GNAQ: variants seen among roughly 807,000 people sequenced by gnomAD.
The protein encoded by GNAQ is guanine nucleotide-binding protein G(q) subunit alpha.
Under a neutral mutation model 43.9 loss-of-function variants are expected in GNAQ, and 8 were observed. The observed-to-expected ratio is 0.18, with a 90% CI of 0.11 to 0.33. The LOEUF (loss-of-function observed/expected upper bound fraction) is 0.33. Among genes scored for constraint, GNAQ ranks in the 10% least tolerant of loss-of-function variants. GNAQ has a pLI of 1.00. For missense variants in GNAQ, 158 were observed against 450.8 expected (o/e 0.35, Z 5.88); for synonymous variants, 155 against 170.7 (o/e 0.91, Z 0.71).
chr9:77,781,860 T>C (rs1425291692), intron 5 of GNAQ, among the ~76,000 whole-genome samples: 1 of 152,104 alleles, frequency 6.6e-6, no homozygotes, highest in Non-Finnish European at 1.5e-5. Flanking sequence ...AGAAGAGAAC[T>C]TCCTCAACTT....
At chr9:77,961,508 GAGAA>G (rs1201535359) in intron 1 of GNAQ, among the ~76,000 whole-genome samples, 3 of 152,180 alleles carry the variant, frequency 2.0e-5, no homozygotes, top group Non-Finnish European at 4.4e-5. Flanking sequence ...TGAGTGGGGT[GAGAA>G]AGAAACATGG....
chr9:77,823,921 T>C (rs550362457), intron 2 of GNAQ, among the ~76,000 whole-genome samples: 2 of 152,330 alleles, frequency 1.3e-5, no homozygotes, highest in South Asian at 2.1e-4. Flanking sequence ...TTTTATTACA[T>C]TGATATTATT....
intron 5 of GNAQ, among the ~76,000 whole-genome samples, chr9:77,737,274 C>G (rs1177838436): frequency 6.6e-6 from 1 of 152,196 alleles, no homozygotes; most frequent in East Asian, 1.9e-4. Flanking sequence ...CAACTGCCAC[C>G]ACTGCCTTTT....
chr9:77,942,728 T>G (rs1254662564), intron 1 of GNAQ, among the ~76,000 whole-genome samples: 2 of 152,212 alleles, frequency 1.3e-5, no homozygotes, highest in Non-Finnish European at 1.5e-5. Context: ...TTATCTCAAC[T>G]GCACCCCTTC....
chr9:77,775,943 A>G (rs904028748), intron 5 of GNAQ, among the ~76,000 whole-genome samples: 3 of 152,218 alleles, frequency 2.0e-5, no homozygotes, highest in African/African-American at 7.2e-5. Flanking sequence ...AAAAAATAAA[A>G]GAAAAGAAAA....
At chr9:77,808,820 A>G (rs2118492831) in intron 3 of GNAQ, among the ~76,000 whole-genome samples, 1 of 152,248 alleles carries the variant, frequency 6.6e-6, no homozygotes. Flanking sequence ...TTTTCACCAT[A>G]CAACGGTCTT....
At chr9:77,893,050 C>T (rs888188266) in intron 2 of GNAQ, among the ~76,000 whole-genome samples, 2 of 152,188 alleles carry the variant, frequency 1.3e-5, no homozygotes, top group Middle Eastern at 6.8e-3. Context: ...ATCTACTAGG[C>T]TTGGAAAGCT....
chr9:77,925,072 GCT>G (rs1387283242), intron 1 of GNAQ, among the ~76,000 whole-genome samples: 1 of 152,048 alleles, frequency 6.6e-6, no homozygotes, highest in African/African-American at 2.4e-5. Context: ...CCATACTGCT[GCT>G]CTCTCTGGGT....
intron 2 of GNAQ, among the ~76,000 whole-genome samples, chr9:77,825,430 C>A (rs1284196409): frequency 1.3e-5 from 2 of 152,154 alleles, no homozygotes; most frequent in African/African-American, 4.8e-5. Flanking sequence ...ACCTGGCAGC[C>A]TACACGCCAG....
intron 1 of GNAQ, among the ~76,000 whole-genome samples, chr9:77,929,447 A>T (rs1467965721): frequency 6.6e-6 from 1 of 152,236 alleles, no homozygotes; most frequent in Non-Finnish European, 1.5e-5. Context: ...TGTTATAGAA[A>T]ATTATTTTAA....
Position 77,721,313 on chromosome 9 carries a change from G to A in GNAQ, c.*10C>T. The A allele has an allele frequency of 1.9e-6, 3 of 1,585,412 alleles. No homozygotes were observed. Among genetic ancestry groups the A allele is most frequent in the Non-Finnish European group, 2.6e-6 (3 of 1,160,642 alleles). On this transcript the variant is annotated 3_prime_UTR_variant, in exon 7 of 7. Coordinates refer to ENST00000286548, the MANE Select transcript of GNAQ (RefSeq NM_002072.5). The stretch of plus-strand genomic sequence containing the variant: ...CAGGGAAGGGCAGGGCGGGTGTCTA[G>A]GAGGCACAATTAGACCAGATTGTAC...
At chr9:77,814,800 G>A (rs879734867) in intron 3 of GNAQ, among the ~76,000 whole-genome samples, 1 of 152,090 alleles carries the variant, frequency 6.6e-6, no homozygotes, top group Non-Finnish European at 1.5e-5. Flanking sequence ...TCCAAAACAA[G>A]AGGCAGATGC....
intron 2 of GNAQ, among the ~76,000 whole-genome samples, chr9:77,907,877 C>T (rs1828736924): frequency 6.6e-6 from 1 of 152,134 alleles, no homozygotes; most frequent in African/African-American, 2.4e-5. Flanking sequence ...CAGGTAACTG[C>T]ATTTACTCTT....
At chr9:77,963,403 C>T (rs1823129300) in intron 1 of GNAQ, among the ~76,000 whole-genome samples, 1 of 152,168 alleles carries the variant, frequency 6.6e-6, no homozygotes, top group Non-Finnish European at 1.5e-5. Context: ...ACTTTTCACT[C>T]AGTGGGTGCC....
At chr9:77,925,671 A>C (rs1829061359) in intron 1 of GNAQ, among the ~76,000 whole-genome samples, 1 of 152,244 alleles carries the variant, frequency 6.6e-6, no homozygotes, top group Non-Finnish European at 1.5e-5. Context: ...AAGTGAAGGC[A>C]AAGTTTCACG....
chr9:77,988,186 A>G (rs2118514169), intron 1 of GNAQ, among the ~76,000 whole-genome samples: 1 of 152,378 alleles, frequency 6.6e-6, no homozygotes, highest in Non-Finnish European at 1.5e-5. Flanking sequence ...GGAAACAGTA[A>G]GAGAAAGTAC....
At chr9:77,882,114 G>A (rs1828221641) in intron 2 of GNAQ, among the ~76,000 whole-genome samples, 1 of 152,090 alleles carries the variant, frequency 6.6e-6, no homozygotes, top group Non-Finnish European at 1.5e-5. Flanking sequence ...CTCCAGCCCG[G>A]GAGACAGAGC....
At chr9:77,984,536 A>G (rs1405915782) in intron 1 of GNAQ, among the ~76,000 whole-genome samples, 2 of 152,210 alleles carry the variant, frequency 1.3e-5, no homozygotes, top group Admixed American at 6.5e-5. Flanking sequence ...CTTGGAAAAG[A>G]TAAGATTCCC....
At chr9:77,763,916 T>C (rs1186991097) in intron 5 of GNAQ, among the ~76,000 whole-genome samples, 3 of 152,232 alleles carry the variant, frequency 2.0e-5, no homozygotes, top group Non-Finnish European at 4.4e-5. Flanking sequence ...CTTTCGGCAA[T>C]ACATGGCTAC....
Sources: allele counts gnomAD v4.1 joint callset (sites outside exome capture counted in the v4.1 genomes callset), GRCh38; gene constraint gnomAD v4.1.1; transcripts MANE v1.5; gene names NCBI Gene and HGNC (gene_info 2026-07-23, HGNC 2026-07-21).